IFTAP: variants seen among roughly 807,000 people sequenced by gnomAD.
The protein encoded by IFTAP is intraflagellar transport associated protein.
Under a neutral mutation model 19.4 loss-of-function variants are expected in IFTAP, and 19 were observed. That is an observed-to-expected ratio of 0.98 (90% CI 0.68 to 1.44). IFTAP has a LOEUF of 1.44. IFTAP is among the 40% of genes most tolerant of loss of function. The pLI, the probability that IFTAP is intolerant of heterozygous loss-of-function variation, is 0.00. For missense variants in IFTAP, 240 were observed against 253.6 expected, an observed-to-expected ratio of 0.95 and a Z score of 0.36; for synonymous variants, 85 against 83.5, an observed-to-expected ratio of 1.02 and a Z score of -0.10.
chr11:36,624,389 G>A (rs113400020), intron 2 of IFTAP, among the ~76,000 whole-genome samples: 6,214 of 152,218 alleles, frequency 0.041, 413 homozygotes, highest in African/African-American at 0.14. Context: ...GCACTGGTAT[G>A]TGCAACTTCT....
chr11:36,640,584 A>G (rs934822456), intron 4 of IFTAP, among the ~76,000 whole-genome samples: 2 of 152,170 alleles, frequency 1.3e-5, no homozygotes, highest in Non-Finnish European at 1.5e-5. Flanking sequence ...GACAAACTAT[A>G]TTTCTCAAAA....
At chr11:36,633,571 T>C (rs1852811599) in intron 3 of IFTAP, 133 bp downstream of exon 3, 4 of 597,130 alleles carry the variant, frequency 6.7e-6, no homozygotes, top group South Asian at 6.8e-5. Flanking sequence ...AGGAGTGCCA[T>C]TGGGGCACTT....
chr11:36,636,459 G>A (rs1852956491), intron 4 of IFTAP, among the ~76,000 whole-genome samples: 1 of 151,982 alleles, frequency 6.6e-6, no homozygotes, highest in African/African-American at 2.4e-5. Context: ...TTATTTTTGA[G>A]GGACACATAA....
chr11:36,641,428 A>G (rs1422146410), intron 4 of IFTAP, among the ~76,000 whole-genome samples: 4 of 152,214 alleles, frequency 2.6e-5, no homozygotes, highest in African/African-American at 9.6e-5. Context: ...TTTAAGAATA[A>G]GAACTACTGA....
chr11:36,641,801 A>T (rs113439705), intron 4 of IFTAP, among the ~76,000 whole-genome samples: 56 of 152,268 alleles, frequency 3.7e-4, no homozygotes, highest in African/African-American at 1.2e-3. Context: ...CGCTTCGTGC[A>T]AAGCTGAGTT....
chr11:36,642,110 C>A (rs1853234398), intron 4 of IFTAP, among the ~76,000 whole-genome samples: 1 of 151,818 alleles, frequency 6.6e-6, no homozygotes, highest in Admixed American at 6.6e-5. Context: ...AGACCGCTAG[C>A]AAGACTAATA....
intron 2 of IFTAP, among the ~76,000 whole-genome samples, chr11:36,627,228 G>A (rs1419289809): frequency 6.6e-6 from 1 of 151,122 alleles, no homozygotes; most frequent in East Asian, 1.9e-4. Flanking sequence ...ACCTTTTTGG[G>A]GTGATGGAAT....
At chr11:36,617,172 T>G (rs1176916139) in intron 2 of IFTAP, among the ~76,000 whole-genome samples, 1 of 149,560 alleles carries the variant, frequency 6.7e-6, no homozygotes, top group Non-Finnish European at 1.5e-5. Flanking sequence ...AAAAATGATA[T>G]TACTTTTTAT....
rs565603022 is a variant in IFTAP at position 36,652,381 on chromosome 11, C to G, written c.498+4226C>G. Among the ~76,000 whole-genome samples the G allele has an allele frequency of 6.3e-3, 961 of 152,134 alleles. 11 individuals carry two copies. The highest frequency in any genetic ancestry group is 0.022 in the African/African-American group (921 of 41,526). On this transcript the variant is annotated intron_variant, in intron 5 of 5. Coordinates refer to ENST00000334307, the MANE Select transcript of IFTAP (RefSeq NM_138787.4). ...CTGTTATTGGTGTATAAGAATGCTT[C>G]TGATTTTTGCACATTGATTTTGTAT...
chr11:36,646,965 T>G (rs1853512975), intron 4 of IFTAP, among the ~76,000 whole-genome samples: 1 of 152,174 alleles, frequency 6.6e-6, no homozygotes. Context: ...CTGTGTTCTC[T>G]GTTGCTGGAG....
chr11:36,658,306 A>T (rs1854081847), intron 5 of IFTAP, among the ~76,000 whole-genome samples: 1 of 151,418 alleles, frequency 6.6e-6, no homozygotes, highest in Non-Finnish European at 1.5e-5. Flanking sequence ...TTTAAGGCAT[A>T]CTCTTGGTTT....
At position 36,656,790 on chromosome 11, in the gene IFTAP, A is replaced by C. The variant is rs552071314; in HGVS notation, c.499-2229A>C. 4.9e-4 allele frequency among the ~76,000 whole-genome samples: 74 copies of C among 152,154 alleles called. No individual in the cohort carries two copies. In the South Asian group the frequency reaches 0.015, roughly 31 times the overall value. On this transcript the variant is annotated intron_variant, in intron 5 of 5. Coordinates refer to ENST00000334307, the MANE Select transcript of IFTAP (RefSeq NM_138787.4). ...TATATAATAAATGTTTATTGAGTGA[A>C]CAAGTAAAGGTAAGGGAGGTGGGGA...
intron 2 of IFTAP, among the ~76,000 whole-genome samples, chr11:36,622,227 G>A (rs1852323064): frequency 6.6e-6 from 1 of 151,714 alleles, no homozygotes; most frequent in South Asian, 2.1e-4. Flanking sequence ...TTACAAATGT[G>A]TTCAGCAGAT....
At chr11:36,599,368 A>T (rs375327765) in intron 1 of IFTAP, among the ~76,000 whole-genome samples, 1 of 152,286 alleles carries the variant, frequency 6.6e-6, no homozygotes, top group African/African-American at 2.4e-5. Context: ...TGGTCATTTG[A>T]TCAGTTTCCA....
At position 36,623,490 on chromosome 11, in the gene IFTAP, C is replaced by T. The variant is rs143391081; in HGVS notation, c.137-9794C>T. 7.2e-3 allele frequency among the ~76,000 whole-genome samples: 1,100 copies of T among 152,056 alleles called. 11 individuals are homozygous for T. Among genetic ancestry groups the T allele is most frequent in the African/African-American group, 0.025 (1,042 of 41,470 alleles). On this transcript the variant is annotated intron_variant, in intron 2 of 5. Coordinates refer to ENST00000334307, the MANE Select transcript of IFTAP (RefSeq NM_138787.4). Reference sequence around the variant, plus strand: ...ATGATGGGTTATAGGAATAATTTTACTGTGATCTTGCTGATCGCTAATACA... The same window carrying T: ...ATGATGGGTTATAGGAATAATTTTATTGTGATCTTGCTGATCGCTAATACA...
chr11:36,649,699 G>A (rs11033736), intron 5 of IFTAP, among the ~76,000 whole-genome samples: 1,586 of 152,050 alleles, frequency 0.01, 27 homozygotes, highest in African/African-American at 0.037. Flanking sequence ...ATATTTAAGA[G>A]GAATATAAAT....
intron 2 of IFTAP, among the ~76,000 whole-genome samples, chr11:36,626,434 C>G (rs1852514939): frequency 6.6e-6 from 1 of 151,290 alleles, no homozygotes. Context: ...CTTTTTCCAG[C>G]CTGGCAGAGT....
intron 1 of IFTAP, among the ~76,000 whole-genome samples, chr11:36,601,658 T>G (rs978538005): frequency 2.6e-4 from 39 of 152,252 alleles, no homozygotes; most frequent in Middle Eastern, 3.4e-3. Context: ...TTTATTTATT[T>G]ATTGATTTTT....
intron 4 of IFTAP, among the ~76,000 whole-genome samples, chr11:36,646,116 A>T (rs1457494218): frequency 1.3e-5 from 2 of 152,188 alleles, no homozygotes; most frequent in Non-Finnish European, 2.9e-5. Flanking sequence ...TTTGTTGAAA[A>T]TCCTACCTTG....
Sources: allele counts gnomAD v4.1 joint callset (sites outside exome capture counted in the v4.1 genomes callset), GRCh38; gene constraint gnomAD v4.1.1; transcripts MANE v1.5; gene names NCBI Gene and HGNC (gene_info 2026-07-23, HGNC 2026-07-21).